The following KEL variants were observed in gnomAD, a reference collection of about 807,000 sequenced individuals.
The protein encoded by KEL is kell blood group glycoprotein.
KEL carries 96 observed loss-of-function variants against 99.5 expected under a neutral mutation model. The ratio of observed to expected loss-of-function variants is 0.97; its 90% CI spans 0.82 to 1.14. KEL has a LOEUF of 1.14. Among genes scored for constraint, KEL ranks in the 50% most tolerant of loss-of-function variants. KEL has a pLI of 0.00. For synonymous variants in KEL, 355 were observed against 354.8 expected, an observed-to-expected ratio of 1.00 and a Z score of -0.01; for missense variants, 926 against 924.2, an observed-to-expected ratio of 1.00 and a Z score of -0.03.
Position 142,961,424 on chromosome 7 carries a change from C to T in KEL, c.159G>A (p.Leu53=). 1 of 1,613,742 alleles carries T rather than the reference C, an allele frequency of 6.2e-7. No homozygotes were observed. The highest frequency in any genetic ancestry group is 8.5e-7 in the Non-Finnish European group (1 of 1,180,014). The change falls in exon 3 of 19, where the codon CTG becomes CTA. Residue 53 remains leucine, a synonymous_variant. Transcript: ENST00000355265. ...AVARRVLTAI[L]ILGLLLCFSV... ...AAAAACAAAGGAGCAGGCCCAAAAT[C>T]AGGATAGCTGTCAGCACCCGCCTGG...
In KEL at chr7:142,961,385, G is replaced by C; in HGVS notation, c.198C>G (p.Phe66Leu). 2.5e-6 allele frequency: 4 copies of C among 1,613,564 alleles called. No homozygotes were observed. The highest frequency in any genetic ancestry group is 3.4e-6 in the Non-Finnish European group (4 of 1,180,028). ...GLLLCFSVLL[F>L]YNFQNCGPRP... ...GAGGGCCACAGTTCTGGAAGTTGTA[G>C]AACAAAAGCACAGAAAAACAAAGGA... is the stretch of plus-strand genomic sequence containing the variant. The change falls in exon 3 of 19, where the codon TTC becomes TTG. Residue 66 changes from phenylalanine to leucine, a missense_variant. By Grantham distance (22) the Phe-to-Leu change is conservative. Transcript: ENST00000355265.
At chr7:142,944,580 C>T (rs8176028) in intron 12 of KEL, 63 bp downstream of exon 12, 204 of 1,419,870 alleles carry the variant, frequency 1.4e-4, no homozygotes, top group East Asian at 1.1e-3. Context: ...ATCCCCATCT[C>T]GCTTGTTCCA....
intron 10 of KEL, among the ~76,000 whole-genome samples, chr7:142,948,205 A>C (rs1456500407): frequency 6.6e-6 from 1 of 152,158 alleles, no homozygotes; most frequent in Non-Finnish European, 1.5e-5. Flanking sequence ...CCACTACTAC[A>C]GCTCTCTCTC....
chr7:142,958,015 A>T, intron 5 of KEL, 42 bp from the exon 6 acceptor site: 1 of 1,603,156 alleles, frequency 6.2e-7, no homozygotes, highest in Non-Finnish European at 8.5e-7. Context: ...GGATCCGTGG[A>T]GCCCATCCCC....
At chr7:142,956,476 G>A (rs548957151) in intron 6 of KEL, among the ~76,000 whole-genome samples, 17 of 149,926 alleles carry the variant, frequency 1.1e-4, no homozygotes, top group East Asian at 9.7e-4. Context: ...TTTCACCTTC[G>A]CCTGGCTTCT....
In KEL at chr7:142,946,203, A is replaced by T. The variant is rs1796520840; in HGVS notation, c.1314+4T>A. The stretch of plus-strand genomic sequence containing the variant: ...GATGTGGGCTGGGAAGAGCTCTCAC[A>T]TACAGCACTTCGGGTGCTCGGGCCA... On this transcript the variant is annotated splice_donor_region_variant and intron_variant, in intron 11 of 18. Coordinates refer to ENST00000355265, the MANE Select transcript of KEL (RefSeq NM_000420.3). The T allele has an allele frequency of 6.2e-7, 1 of 1,602,288 alleles. No individual in the cohort carries two copies. Among genetic ancestry groups the T allele is most frequent in the Non-Finnish European group, 8.6e-7 (1 of 1,169,500 alleles).
chr7:142,942,343 G>T, intron 18 of KEL, 91 bp downstream of exon 18: 1 of 837,624 alleles, frequency 1.2e-6, no homozygotes. Context: ...GTATTTGACG[G>T]AGTGTCTGAA....
chr7:142,952,671 C>T, intron 9 of KEL, 33 bp from the exon 10 acceptor site: 22 of 1,613,142 alleles, frequency 1.4e-5, no homozygotes, highest in Non-Finnish European at 1.9e-5. Flanking sequence ...CACATATACC[C>T]CAGGAATCTG....
At position 142,943,130 on chromosome 7, in the gene KEL, T is replaced by A. The variant is rs1448078194; in HGVS notation, c.1772-86A>T. ...TGAGGATGTGGGTGGTACCACAGACTGAATCAGCTCCCAGGAGCATGGCAA... is the reference window on the plus strand; with the variant it reads ...TGAGGATGTGGGTGGTACCACAGACAGAATCAGCTCCCAGGAGCATGGCAA... On this transcript the variant is annotated intron_variant, in intron 16 of 18. Coordinates refer to ENST00000355265, the MANE Select transcript of KEL (RefSeq NM_000420.3). The A allele has an allele frequency of 2.6e-6, 4 of 1,568,316 alleles. No individual in the cohort carries two copies. The East Asian group carries it at 9.0e-5, about 35-fold the overall frequency.
intron 17 of KEL, 47 bp from the exon 18 acceptor site, chr7:142,942,576 G>A (rs1405726781): frequency 2.8e-6 from 4 of 1,429,616 alleles, no homozygotes; most frequent in Non-Finnish European, 2.9e-6. Flanking sequence ...TAGACCTGTG[G>A]CCATTTGAAA....
intron 10 of KEL, among the ~76,000 whole-genome samples, chr7:142,951,252 C>T (rs1400094007): frequency 2.6e-5 from 4 of 152,218 alleles, no homozygotes; most frequent in East Asian, 1.9e-4. Context: ...AGCACTCTTA[C>T]AGCCTCCAAG....
rs981073185 is a variant in KEL, at chr7:142,944,857, G to A, written c.1315-116C>T. On this transcript the variant is annotated intron_variant, in intron 11 of 18. Coordinates refer to ENST00000355265, the MANE Select transcript of KEL (RefSeq NM_000420.3). ...TTGGCCCCAAGGAGCTGCCTGGGCT[G>A]GAGCTGCTGCTAGAGGAGCAGCTCA... The A allele has an allele frequency of 1.8e-5, 14 of 790,338 alleles. No individual in the cohort carries two copies. The Admixed American group carries it at 2.8e-4, about 16-fold the overall frequency. The allele number at this position is 790,338 out of a possible 1,614,324, so 49.0% of individuals were successfully genotyped here. A position where few individuals can be genotyped will look rare whatever the true frequency, so the allele number is the denominator to read the frequency against.
At position 142,958,403 on chromosome 7, in the gene KEL, G is replaced by A; in HGVS notation, c.426C>T (p.Gly142=). 2.9e-5 allele frequency: 47 copies of A among 1,614,122 alleles called. No individual in the cohort carries two copies. Among genetic ancestry groups the A allele is most frequent in the Non-Finnish European group, 4.0e-5 (47 of 1,180,042 alleles). ...ACTGGAAGGCTTTCTCCTCCCCAGA[G>A]CCTGGGTGCCAGGAATTCTGGACCT... ...ILEVQNSWHP[G]SGEEKAFQFY... is the part of the protein sequence containing the mutation. Residue 142 remains glycine, a synonymous_variant, in exon 5 of 19, where the codon GGC becomes GGT. Coordinates refer to ENST00000355265, the MANE Select transcript of KEL (RefSeq NM_000420.3).
intron 5 of KEL, 50 bp from the exon 6 acceptor site, chr7:142,958,023 C>G: frequency 1.9e-6 from 3 of 1,597,616 alleles, no homozygotes; most frequent in Non-Finnish European, 2.6e-6. Flanking sequence ...GGAGCCCATC[C>G]CCCATTGTCT....
rs758069286 is a variant in KEL, at chr7:142,952,660, A to G, written c.1074-22T>C. The stretch of plus-strand genomic sequence containing the variant: ...GTCCCTATGGAGACAAAAGAGACCC[A>G]CACATATACCCCAGGAATCTGGGGA... On this transcript the variant is annotated intron_variant, in intron 9 of 18. Coordinates refer to ENST00000355265, the MANE Select transcript of KEL (RefSeq NM_000420.3). 1.1e-5 allele frequency: 17 copies of G among 1,613,706 alleles called. No homozygotes were observed. In the East Asian group the frequency reaches 3.8e-4, roughly 36 times the overall value.
chr7:142,954,376 G>A lies in KEL; in HGVS notation c.736-4C>T, dbSNP rs368168105. ...AAGTCAGGTATTCCCGAAAGATCTG[G>A]AGGAAGGAAATGTCAGTCACAGGTG... On this transcript the variant is annotated splice_region_variant and splice_polypyrimidine_tract_variant and intron_variant, in intron 7 of 18. Coordinates refer to ENST00000355265, the MANE Select transcript of KEL (RefSeq NM_000420.3). The A allele has an allele frequency of 1.2e-6, 2 of 1,614,164 alleles. No individual in the cohort carries two copies. Among genetic ancestry groups the A allele is most frequent in the South Asian group, 2.2e-5 (2 of 91,080 alleles).
Position 142,942,441 on chromosome 7 carries a change from T to A in KEL, c.2030A>T (p.Tyr677Phe). Reference sequence around the variant, plus strand: ...GAGGTGGCCGCTGCCTACCTGGGCATAGCTTCGAAAGAAGATCTGCTGGGG... The same window carrying A: ...GAGGTGGCCGCTGCCTACCTGGGCAAAGCTTCGAAAGAAGATCTGCTGGGG... ...LSPQQIFFRS[Y>F]AQVMCRKPSP... Residue 677 changes from tyrosine (Y) to phenylalanine (F), a missense_variant, in exon 18 of 19, where the codon TAT (tyrosine) becomes TTT (phenylalanine). Physicochemically the swap from Tyr to Phe is conservative, Grantham distance 22 (BLOSUM62 3). Transcript: ENST00000355265. The A allele has an allele frequency of 6.3e-7, 1 of 1,591,830 alleles. No individual in the cohort carries two copies. The highest frequency in any genetic ancestry group is 8.6e-7 in the Non-Finnish European group (1 of 1,167,594).
At chr7:142,946,005 G>A (rs7784417) in intron 11 of KEL, 34,182 of 599,534 alleles carry the variant, frequency 0.057, 1,699 homozygotes, top group African/African-American at 0.21. Context: ...GCATGTCATG[G>A]AGAATTTGTG....
At chr7:142,962,033 A>G (rs1444965264) in intron 1 of KEL, 161 bp from the exon 2 acceptor site, 5 of 1,609,634 alleles carry the variant, frequency 3.1e-6, no homozygotes, top group Non-Finnish European at 4.2e-6. Flanking sequence ...TTCAGAACGA[A>G]CCTGTCCCCT....
Sources: gnomAD v4.1 joint callset for allele counts (sites outside exome capture counted in the v4.1 genomes callset) on GRCh38, gnomAD v4.1.1 for gene constraint, MANE v1.5 for transcripts, NCBI Gene and HGNC (gene_info 2026-07-23, HGNC 2026-07-21) for gene names.